The following ADAMTSL1 variants were observed in gnomAD, a reference collection of about 807,000 sequenced individuals.
ADAMTSL1 encodes the protein ADAMTS like 1.
ADAMTSL1 carries 126 observed loss-of-function variants against 201.8 expected under a neutral mutation model. The ratio of observed to expected loss-of-function variants is 0.62; its 90% CI spans 0.54 to 0.72. The LOEUF (loss-of-function observed/expected upper bound fraction) is 0.72. ADAMTSL1 is among the 30% of genes least tolerant of loss of function. ADAMTSL1 has a pLI of 0.00. For missense variants in ADAMTSL1, 2,679 were observed against 2,277.8 expected (o/e 1.18, Z -3.59); for synonymous variants, 1,121 against 903.4 (o/e 1.24, Z -4.32).
At chr9:17,924,410 C>T (rs1174833543) in intron 1 of ADAMTSL1, among the ~76,000 whole-genome samples, 10 of 152,022 alleles carry the variant, frequency 6.6e-5, no homozygotes, top group East Asian at 1.9e-4. Flanking sequence ...AGTTTATTTG[C>T]GTAGAGGTGT....
At chr9:18,476,206 T>C (rs1290088122) in intron 1 of ADAMTSL1, among the ~76,000 whole-genome samples, 1 of 152,188 alleles carries the variant, frequency 6.6e-6, no homozygotes, top group Non-Finnish European at 1.5e-5. Context: ...AGCTGTCATG[T>C]ATTTTGTGTC....
At chr9:18,721,728 G>C (rs1357962477) in intron 15 of ADAMTSL1, 63 bp downstream of exon 15, 1 of 1,571,942 alleles carries the variant, frequency 6.4e-7, no homozygotes, top group African/African-American at 1.4e-5. Context: ...GCATCTTTCA[G>C]TGGGCAAGAC....
intron 2 of ADAMTSL1, among the ~76,000 whole-genome samples, chr9:18,403,831 C>T (rs1001595894): frequency 1.3e-5 from 2 of 151,976 alleles, no homozygotes; most frequent in African/African-American, 4.8e-5. Context: ...TATTATGTTA[C>T]CCAAAAATAT....
intron 2 of ADAMTSL1, among the ~76,000 whole-genome samples, chr9:18,257,358 G>A (rs1217478292): frequency 3.9e-5 from 6 of 152,134 alleles, no homozygotes; most frequent in African/African-American, 1.4e-4. Context: ...AATTTGCAAT[G>A]GACTTGAATA....
At chr9:18,023,297 C>G (rs1453948798) in intron 1 of ADAMTSL1, among the ~76,000 whole-genome samples, 4 of 152,050 alleles carry the variant, frequency 2.6e-5, no homozygotes, top group African/African-American at 9.7e-5. Flanking sequence ...GGGTGGTGCT[C>G]AAGAATTTGC....
intron 2 of ADAMTSL1, among the ~76,000 whole-genome samples, chr9:18,289,223 T>C (rs1045154886): frequency 2.0e-5 from 3 of 152,046 alleles, no homozygotes; most frequent in Admixed American, 6.6e-5. Context: ...ATAATTACTA[T>C]AAGGCCTTGG....
intron 2 of ADAMTSL1, among the ~76,000 whole-genome samples, chr9:18,521,713 A>T (rs1024880962): frequency 1.3e-5 from 2 of 152,160 alleles, no homozygotes; most frequent in African/African-American, 2.4e-5. Context: ...TTACATAAAC[A>T]AGTTTCATTG....
chr9:18,138,792 C>T (rs1478907609), intron 1 of ADAMTSL1, among the ~76,000 whole-genome samples: 1 of 152,110 alleles, frequency 6.6e-6, no homozygotes, highest in African/African-American at 2.4e-5. Context: ...GATTATTTAG[C>T]TTCAAGTAGA....
chr9:18,630,547 G>A (rs2132730971), intron 5 of ADAMTSL1, among the ~76,000 whole-genome samples: 1 of 152,184 alleles, frequency 6.6e-6, no homozygotes, highest in African/African-American at 2.4e-5. Context: ...GGAATCTACT[G>A]AGCTCTACAG....
intron 1 of ADAMTSL1, among the ~76,000 whole-genome samples, chr9:18,043,053 C>T (rs772107552): frequency 2.6e-5 from 4 of 152,172 alleles, no homozygotes; most frequent in African/African-American, 4.8e-5. Flanking sequence ...AAAACAGGAA[C>T]ATTTACACGC....
At chr9:18,469,998 G>A (rs533787854), upstream of ADAMTSL1, among the ~76,000 whole-genome samples, 11 of 152,286 alleles carry the variant, frequency 7.2e-5, no homozygotes, top group Admixed American at 2.0e-4. Flanking sequence ...TAAGGATTAC[G>A]TGAAATAATA....
intron 2 of ADAMTSL1, among the ~76,000 whole-genome samples, chr9:18,231,371 T>C (rs144397806): frequency 5.6e-4 from 85 of 152,328 alleles, no homozygotes; most frequent in African/African-American, 2.0e-3. Context: ...CCCATTGGCC[T>C]ATTTTAAGTC....
chr9:18,112,921 A>G (rs1310433787), intron 1 of ADAMTSL1, among the ~76,000 whole-genome samples: 1 of 152,176 alleles, frequency 6.6e-6, no homozygotes, highest in Non-Finnish European at 1.5e-5. Context: ...GAAGGCTACC[A>G]TCATTTGTAT....
chr9:17,940,248 C>T (rs1289585087), intron 1 of ADAMTSL1, among the ~76,000 whole-genome samples: 10 of 152,106 alleles, frequency 6.6e-5, no homozygotes, highest in African/African-American at 1.2e-4. Context: ...GTAACCTTTA[C>T]GTCATTGTAG....
At chr9:18,237,344 G>A (rs891610228) in intron 2 of ADAMTSL1, among the ~76,000 whole-genome samples, 14 of 152,176 alleles carry the variant, frequency 9.2e-5, no homozygotes, top group Non-Finnish European at 1.5e-5. Context: ...GGGGCACTGT[G>A]TACAGAATGA....
At chr9:18,864,999 T>C (rs1827422300) in intron 23 of ADAMTSL1, among the ~76,000 whole-genome samples, 1 of 152,192 alleles carries the variant, frequency 6.6e-6, no homozygotes, top group Non-Finnish European at 1.5e-5. Context: ...CACATTTTTT[T>C]TCTCCTATTA....
chr9:18,862,621 T>A (rs1022992228), intron 23 of ADAMTSL1, among the ~76,000 whole-genome samples: 1 of 152,206 alleles, frequency 6.6e-6, no homozygotes, highest in South Asian at 2.1e-4. Context: ...TAGATAAGTA[T>A]ACACAGAGAG....
chr9:18,715,938 C>A (rs1832899839), intron 14 of ADAMTSL1, among the ~76,000 whole-genome samples: 1 of 151,302 alleles, frequency 6.6e-6, no homozygotes, highest in African/African-American at 2.4e-5. Context: ...CGCCGCATAT[C>A]TACAACTATC....
chr9:18,473,992 T>TATTC (rs1385886426), upstream of ADAMTSL1: 6 of 463,768 alleles, frequency 1.3e-5, no homozygotes, highest in African/African-American at 1.2e-4. Context: ...CTGGCTTTGT[T>TATTC]ATTCAGCATG....
Sources: gnomAD v4.1 joint callset for allele counts (sites outside exome capture counted in the v4.1 genomes callset) on GRCh38, gnomAD v4.1.1 for gene constraint, MANE v1.5 for transcripts, NCBI Gene and HGNC (gene_info 2026-07-23, HGNC 2026-07-21) for gene names.